Variants in MTMR1 observed in about 807,000 individuals in gnomAD.
MTMR1 encodes the protein myotubularin related protein 1, also known as phosphatidylinositol-3-phosphate phosphatase MTMR1.
MTMR1 carries 17 observed loss-of-function variants against 51.6 expected under a neutral mutation model. That is an observed-to-expected ratio of 0.33 (90% CI 0.23 to 0.49). MTMR1 has a LOEUF of 0.49. Among genes scored for constraint, MTMR1 ranks in the 20% least tolerant of loss-of-function variants. The probability of loss-of-function intolerance (pLI) is 0.99; values close to 1 mark genes in which losing one functional copy is unlikely to be tolerated. For synonymous variants in MTMR1, 201 were observed against 205.6 expected (o/e 0.98, Z 0.19); for missense variants, 386 against 526.9 (o/e 0.73, Z 2.62).
chrX:150,698,725 C>CACACACACAA (rs1342602428), intron 1 of MTMR1, among the ~76,000 whole-genome samples: 3 of 105,581 alleles, frequency 2.8e-5, no homozygotes, highest in East Asian at 3.0e-4. Context: ...CACACACACA[C>CACACACACAA]AAAAGCCGGG....
chrX:150,724,572 C>T lies in MTMR1; in HGVS notation c.353-2643C>T, dbSNP rs139260254. Among the ~76,000 whole-genome samples the T allele has an allele frequency of 2.5e-3, 281 of 111,723 alleles. 3 individuals carry two copies. The highest frequency in any genetic ancestry group is 0.018 in the Middle Eastern group (4 of 217). On this transcript the variant is annotated intron_variant, in intron 4 of 15. Transcript: ENST00000445323. The stretch of plus-strand genomic sequence containing the variant: ...TTTGTTGATAGTTTCTTTTGCTGTG[C>T]GGAAGCTCTTTAGTTTCATTAGATT...
intron 6 of MTMR1, among the ~76,000 whole-genome samples, 160 bp from the exon 7 acceptor site, chrX:150,729,949 G>A (rs1162106522): frequency 1.8e-5 from 2 of 111,449 alleles, no homozygotes; most frequent in African/African-American, 6.5e-5. Flanking sequence ...AACCAGGGAG[G>A]CGGAGGTTGC....
rs1284594508 is a variant in MTMR1, at chrX:150,702,252, G to A, written c.252+2952G>A. Among the ~76,000 whole-genome samples, 3 of 109,950 alleles carry A rather than the reference G, an allele frequency of 2.7e-5. No homozygotes were observed. The Admixed American group carries it at 2.9e-4, about 11-fold the overall frequency. On this transcript the variant is annotated intron_variant, in intron 2 of 15. Coordinates refer to ENST00000445323, the MANE Select transcript of MTMR1 (RefSeq NM_001306144.3). ...CACTGTTTTTCAAAATGTGACCCTT[G>A]GGTCTTCCCAAGACAGCATTCTCTG... is the stretch of plus-strand genomic sequence containing the variant.
At chrX:150,751,910 C>CTTTTTT (rs35937277) in intron 14 of MTMR1, among the ~76,000 whole-genome samples, 3 of 41,622 alleles carry the variant, frequency 7.2e-5, no homozygotes, top group African/African-American at 1.1e-4. Context: ...CTTTTTCTTT[C>CTTTTTT]TTTTTTTTTT....
At chrX:150,724,117 A>C (rs1219079966) in intron 4 of MTMR1, among the ~76,000 whole-genome samples, 1 of 111,941 alleles carries the variant, frequency 8.9e-6, no homozygotes, top group Non-Finnish European at 1.9e-5. Context: ...TTGCTGGGTC[A>C]AATGGTAGTT....
chrX:150,703,703 G>A (rs1032782780), intron 2 of MTMR1, among the ~76,000 whole-genome samples: 1 of 111,918 alleles, frequency 8.9e-6, no homozygotes, highest in Non-Finnish European at 1.9e-5. Flanking sequence ...TATGAAAAGG[G>A]AAGCTTTAGC....
chrX:150,725,635 A>G (rs2041899594), intron 4 of MTMR1, among the ~76,000 whole-genome samples: 1 of 112,198 alleles, frequency 8.9e-6, no homozygotes, highest in Non-Finnish European at 1.9e-5. Flanking sequence ...ACCTTATAGT[A>G]GTATACTCCC....
chrX:150,729,216 ACC>A (rs1230574970), intron 6 of MTMR1, among the ~76,000 whole-genome samples: 5 of 70,434 alleles, frequency 7.1e-5, no homozygotes, highest in Admixed American at 2.0e-4. Flanking sequence ...TGACACACCC[ACC>A]CACACACACA....
At chrX:150,762,307 G>C (rs782546259) in intron 15 of MTMR1, among the ~76,000 whole-genome samples, 2 of 112,136 alleles carry the variant, frequency 1.8e-5, no homozygotes, top group East Asian at 5.7e-4. Context: ...GAAACTGTGG[G>C]AGCCTCCCCA....
chrX:150,717,616 C>T (rs1002744828), intron 3 of MTMR1, among the ~76,000 whole-genome samples: 3 of 109,817 alleles, frequency 2.7e-5, no homozygotes, highest in Non-Finnish European at 3.8e-5. Context: ...CACAGGGTGG[C>T]GGTACCTTGG....
At chrX:150,715,730 G>A (rs1202177573) in intron 3 of MTMR1, among the ~76,000 whole-genome samples, 3 of 112,616 alleles carry the variant, frequency 2.7e-5, no homozygotes, top group Non-Finnish European at 5.6e-5. Context: ...AATCTCCTAC[G>A]GGGAAATCTG....
intron 13 of MTMR1, among the ~76,000 whole-genome samples, chrX:150,750,177 T>A (rs1245241394): frequency 9.0e-6 from 1 of 111,356 alleles, no homozygotes; most frequent in Non-Finnish European, 1.9e-5. Context: ...TGTAGGAAGG[T>A]TCTTAACTAG....
intron 15 of MTMR1, among the ~76,000 whole-genome samples, chrX:150,757,079 C>T (rs2148673706): frequency 8.9e-6 from 1 of 112,812 alleles, no homozygotes; most frequent in African/African-American, 3.2e-5. Context: ...TCCTCTCCAT[C>T]CTCCTGCTCC....
chrX:150,693,176 C>T (rs1178593761), upstream of MTMR1: 1 of 112,299 alleles, frequency 8.9e-6, no homozygotes, highest in African/African-American at 3.2e-5. Context: ...TACGCATAAT[C>T]CGTTTGGGGA....
intron 4 of MTMR1, among the ~76,000 whole-genome samples, chrX:150,726,280 A>T (rs1296591635): frequency 9.0e-6 from 1 of 111,710 alleles, no homozygotes; most frequent in Non-Finnish European, 1.9e-5. Flanking sequence ...TTTCATCCTG[A>T]AACCATCCCC....
intron 4 of MTMR1, among the ~76,000 whole-genome samples, chrX:150,725,392 G>T (rs1378076281): frequency 1.8e-5 from 2 of 112,019 alleles, no homozygotes; most frequent in African/African-American, 6.5e-5. Flanking sequence ...TAGTGTATAG[G>T]AATGCTAGTG....
intron 4 of MTMR1, 84 bp from the exon 5 acceptor site, chrX:150,727,131 A>AAT (rs75451888): frequency 0.3 from 174,628 of 589,537 alleles, 19,395 homozygotes; most frequent in South Asian, 0.5. Flanking sequence ...TGGAATCACA[A>AAT]ATATATATTT....
Position 150,716,530 on chromosome X carries a change from G to T in MTMR1, c.277-2095G>T, listed in dbSNP as rs572182453. Among the ~76,000 whole-genome samples the T allele has an allele frequency of 9.8e-5, 11 of 112,718 alleles. No individual in the cohort carries two copies. The South Asian group carries it at 3.6e-3, about 37-fold the overall frequency. On this transcript the variant is annotated intron_variant, in intron 3 of 15. Coordinates refer to ENST00000445323, the MANE Select transcript of MTMR1 (RefSeq NM_001306144.3). ...TGGCAGAAAATGTCTTTAAAAACCAGTCTGGGCTAAAAATTTGAATTGAAT... is the reference window on the plus strand; with the variant it reads ...TGGCAGAAAATGTCTTTAAAAACCATTCTGGGCTAAAAATTTGAATTGAAT...
At chrX:150,762,479 G>T in intron 15 of MTMR1, 86 bp from the exon 16 acceptor site, 1 of 1,135,791 alleles carries the variant, frequency 8.8e-7, no homozygotes, top group East Asian at 3.0e-5. Flanking sequence ...ATGGTGAAAA[G>T]CTCCTGAAGC....
Sources: allele counts gnomAD v4.1 joint callset (sites outside exome capture counted in the v4.1 genomes callset), GRCh38; gene constraint gnomAD v4.1.1; transcripts MANE v1.5; gene names NCBI Gene and HGNC (gene_info 2026-07-23, HGNC 2026-07-21).